UBP1: variants seen among roughly 807,000 people sequenced by gnomAD.
UBP1 encodes the protein upstream binding protein 1.
Under a neutral mutation model 76.1 loss-of-function variants are expected in UBP1, and 22 were observed. The ratio of observed to expected loss-of-function variants is 0.29; its 90% CI spans 0.21 to 0.41. The LOEUF is 0.41. Ranked by LOEUF, UBP1 falls within the 10% of genes least tolerant of loss-of-function variation. The pLI, the probability that UBP1 is intolerant of heterozygous loss-of-function variation, is 1.00. For synonymous variants in UBP1, 224 were observed against 237.1 expected (o/e 0.94, Z 0.51); for missense variants, 436 against 668.1 (o/e 0.65, Z 3.83).
At chr3:33,390,460 T>C in intron 15 of UBP1, 92 bp from the exon 16 acceptor site, 1 of 1,340,378 alleles carries the variant, frequency 7.5e-7, no homozygotes, top group Non-Finnish European at 1.1e-6. Flanking sequence ...CAACCTCCCT[T>C]CCCAATTCAG....
chr3:33,429,948 A>G (rs1270108001), intron 1 of UBP1, among the ~76,000 whole-genome samples: 1 of 152,222 alleles, frequency 6.6e-6, no homozygotes, highest in Admixed American at 6.5e-5. Context: ...AGGACAAGAT[A>G]GATAAAACAT....
At chr3:33,428,240 A>G (rs2045054358) in intron 1 of UBP1, among the ~76,000 whole-genome samples, 1 of 152,056 alleles carries the variant, frequency 6.6e-6, no homozygotes, top group African/African-American at 2.4e-5. Context: ...CAGTCATAAC[A>G]GTCAAATTGG....
intron 2 of UBP1, among the ~76,000 whole-genome samples, chr3:33,424,258 G>A (rs1351837535): frequency 6.6e-6 from 1 of 152,120 alleles, no homozygotes; most frequent in Non-Finnish European, 1.5e-5. Context: ...AACAAACAGG[G>A]AATTGTCACA....
At chr3:33,390,518 T>C in intron 15 of UBP1, 150 bp from the exon 16 acceptor site, 1 of 782,966 alleles carries the variant, frequency 1.3e-6, no homozygotes, top group Non-Finnish European at 2.1e-6. Context: ...TAACTTGCTC[T>C]AGCTCCTCTT....
chr3:33,437,618 T>C (rs917218773), intron 1 of UBP1, among the ~76,000 whole-genome samples: 1 of 152,214 alleles, frequency 6.6e-6, no homozygotes, highest in Admixed American at 6.5e-5. Context: ...TATCAAGAAG[T>C]CATTTTTCCA....
intron 13 of UBP1, among the ~76,000 whole-genome samples, chr3:33,394,157 T>C (rs1453577550): frequency 1.3e-5 from 2 of 151,080 alleles, no homozygotes; most frequent in African/African-American, 2.4e-5. Context: ...GCTGGGACTA[T>C]GGTGGGGGCA....
intron 2 of UBP1, among the ~76,000 whole-genome samples, chr3:33,418,583 G>A (rs944897735): frequency 3.3e-5 from 5 of 151,812 alleles, no homozygotes; most frequent in Non-Finnish European, 4.4e-5. Flanking sequence ...ATTAGGCTGC[G>A]CGCAGTGGCT....
At chr3:33,403,793 C>T (rs535788854) in intron 8 of UBP1, 1 of 152,298 alleles carries the variant, frequency 6.6e-6, no homozygotes, top group Admixed American at 6.5e-5. Context: ...AGTCTTCAGA[C>T]TTGAGATACA....
intron 13 of UBP1, among the ~76,000 whole-genome samples, chr3:33,394,919 A>G (rs892617063): frequency 2.0e-5 from 3 of 151,622 alleles, no homozygotes; most frequent in Admixed American, 6.6e-5. Context: ...ACAGAGTTGA[A>G]TGTGAGAGAC....
At chr3:33,392,442 A>C in intron 15 of UBP1, 121 bp downstream of exon 15, 1 of 838,836 alleles carries the variant, frequency 1.2e-6, no homozygotes, top group South Asian at 2.2e-5. Context: ...CATTTATCAA[A>C]CTTTCTTCTT....
chr3:33,439,676 G>A (rs2045258948), intron 1 of UBP1, 60 bp downstream of exon 1: 6 of 1,570,790 alleles, frequency 3.8e-6, no homozygotes, highest in South Asian at 2.3e-5. Context: ...CAGAGACTCA[G>A]GGCTGCGCAG....
intron 2 of UBP1, among the ~76,000 whole-genome samples, chr3:33,420,403 GC>G (rs777362185): frequency 6.6e-6 from 1 of 151,816 alleles, no homozygotes; most frequent in Non-Finnish European, 1.5e-5. Flanking sequence ...TGGGCTCACT[GC>G]AACCTCCCTC....
intron 2 of UBP1, among the ~76,000 whole-genome samples, chr3:33,418,093 T>TA (rs1316707100): frequency 6.6e-6 from 1 of 152,196 alleles, no homozygotes; most frequent in Non-Finnish European, 1.5e-5. Flanking sequence ...ACAATGGATC[T>TA]ATATTCTGAA....
intron 12 of UBP1, 37 bp from the exon 13 acceptor site, chr3:33,396,317 G>A: frequency 6.7e-7 from 1 of 1,491,388 alleles, no homozygotes; most frequent in Non-Finnish European, 9.2e-7. Flanking sequence ...GCCTGGGAGA[G>A]AAAGCTGCCT....
rs552327743 is a variant in UBP1 at position 33,395,526 on chromosome 3, C to T, written c.1390+636G>A. Among the ~76,000 whole-genome samples the T allele has an allele frequency of 5.3e-5, 8 of 151,770 alleles. No homozygotes were observed. The South Asian group carries it at 1.5e-3, about 28-fold the overall frequency. On this transcript the variant is annotated intron_variant, in intron 13 of 15. Transcript: ENST00000283629. The stretch of plus-strand genomic sequence containing the variant: ...TCTCTGTCCTAATCCAGCACTATAC[C>T]GTACAATTAAATGCTCAGGATGAGA...
rs2043984215 is a variant in UBP1 at position 33,396,150 on chromosome 3, C to G, written c.1390+12G>C. ...TCAGAAGTGACAGAATTGAGATGCCCTCAATACCTACCATAGGGTGCCCCA... is the reference window on the plus strand; with the variant it reads ...TCAGAAGTGACAGAATTGAGATGCCGTCAATACCTACCATAGGGTGCCCCA... On this transcript the variant is annotated intron_variant, in intron 13 of 15. Transcript: ENST00000283629. 1 of 1,558,054 alleles carries G rather than the reference C, an allele frequency of 6.4e-7. No individual in the cohort carries two copies.
At chr3:33,406,093 C>T (rs1021254489) in intron 8 of UBP1, among the ~76,000 whole-genome samples, 9 of 152,150 alleles carry the variant, frequency 5.9e-5, no homozygotes, top group African/African-American at 2.2e-4. Flanking sequence ...ACATTTTACA[C>T]AACAATGCCC....
At chr3:33,403,288 A>G in intron 8 of UBP1, 1 of 246,806 alleles carries the variant, frequency 4.1e-6, no homozygotes, top group Non-Finnish European at 8.0e-6. Flanking sequence ...GAAAGGATTT[A>G]TAAGCAACAT....
intron 13 of UBP1, 121 bp from the exon 14 acceptor site, chr3:33,393,575 A>AT (rs1319459951): frequency 1.1e-6 from 1 of 890,074 alleles, no homozygotes; most frequent in Admixed American, 3.7e-5. Flanking sequence ...GTAAAAAAAC[A>AT]TTTTAAATGG....
Sources: allele counts gnomAD v4.1 joint callset (sites outside exome capture counted in the v4.1 genomes callset), GRCh38; gene constraint gnomAD v4.1.1; transcripts MANE v1.5; gene names NCBI Gene and HGNC (gene_info 2026-07-23, HGNC 2026-07-21).